The following NCKAP5 variants were observed in gnomAD, a reference collection of about 807,000 sequenced individuals.
NCKAP5 encodes nck-associated protein 5.
A neutral mutation model predicts 167.0 loss-of-function variants in NCKAP5; 92 were observed. That is an observed-to-expected ratio of 0.55 (90% confidence interval 0.47 to 0.66). NCKAP5 has a LOEUF of 0.66. Ranked by LOEUF, NCKAP5 falls within the 30% of genes least tolerant of loss-of-function variation. The probability of loss-of-function intolerance (pLI) is 0.00; values close to 1 mark genes in which losing one functional copy is unlikely to be tolerated. For missense variants in NCKAP5, 2,378 were observed against 2,315.0 expected (o/e 1.03, Z -0.56); for synonymous variants, 891 against 877.4 (o/e 1.02, Z -0.27).
chr2:133,323,769 C>G (rs1185595957), intron 3 of NCKAP5, among the ~76,000 whole-genome samples: 1 of 152,162 alleles, frequency 6.6e-6, no homozygotes, highest in Non-Finnish European at 1.5e-5. Context: ...TGAACTTAAT[C>G]ACTGTCCCAG....
chr2:132,695,837 G>T (rs1023049368), intron 19 of NCKAP5, among the ~76,000 whole-genome samples: 3 of 152,102 alleles, frequency 2.0e-5, no homozygotes, highest in Admixed American at 6.6e-5. Flanking sequence ...CTTCTCTGAT[G>T]ATCTATTGTT....
intron 4 of NCKAP5, among the ~76,000 whole-genome samples, chr2:133,219,637 C>T (rs1371468709): frequency 6.6e-6 from 1 of 151,802 alleles, no homozygotes; most frequent in African/African-American, 2.4e-5. Flanking sequence ...ATAAGGGATT[C>T]CTCAGTAACT....
chr2:133,467,676 C>T (rs1203722964), intron 3 of NCKAP5, among the ~76,000 whole-genome samples: 1 of 149,976 alleles, frequency 6.7e-6, no homozygotes, highest in Admixed American at 6.7e-5. Flanking sequence ...TGATTATTGC[C>T]ACAATTTCAG....
intron 3 of NCKAP5, among the ~76,000 whole-genome samples, chr2:133,478,465 T>C (rs1251240384): frequency 1.3e-5 from 2 of 152,166 alleles, no homozygotes; most frequent in Non-Finnish European, 2.9e-5. Flanking sequence ...CCTAGAAATC[T>C]CTGGAAGACT....
At chr2:133,598,227 C>T in the NCKAP5 span, among the ~76,000 whole-genome samples, 4 of 152,190 alleles carry the variant, frequency 2.6e-5, no homozygotes, top group African/African-American at 9.7e-5. Context: ...GTGAGCAATG[C>T]CTGGCACACT....
intron 3 of NCKAP5, among the ~76,000 whole-genome samples, chr2:133,445,417 C>G (rs191666133): frequency 6.6e-6 from 1 of 152,286 alleles, no homozygotes; most frequent in African/African-American, 2.4e-5. Flanking sequence ...TCATAAAAAT[C>G]TTGTGACACA....
Position 132,794,138 on chromosome 2 carries a change from T to C in NCKAP5, c.909+2490A>G, listed in dbSNP as rs577698295. On this transcript the variant is annotated intron_variant, in intron 12 of 19. Coordinates refer to ENST00000409261, the MANE Select transcript of NCKAP5 (RefSeq NM_207363.3). ...TGAAAGTAGTTACTATGTGGGATCA[T>C]TGTGAAGACTGAACAGCCCCTGACA... 9.2e-4 allele frequency among the ~76,000 whole-genome samples: 137 copies of C among 149,206 alleles called. 1 individual carries two copies. Among genetic ancestry groups the C allele is most frequent in the African/African-American group, 3.2e-3 (129 of 40,710 alleles).
chr2:133,642,543 A>G, the NCKAP5 span, among the ~76,000 whole-genome samples: 1 of 152,162 alleles, frequency 6.6e-6, no homozygotes, highest in Non-Finnish European at 1.5e-5. Flanking sequence ...TGGTTGATAC[A>G]CCCTAAAAAA....
intron 5 of NCKAP5, among the ~76,000 whole-genome samples, chr2:133,162,678 T>A (rs2083842061): frequency 6.6e-6 from 1 of 152,130 alleles, no homozygotes; most frequent in African/African-American, 2.4e-5. Flanking sequence ...GATGCAACAT[T>A]GTTTTTTTTT....
intron 5 of NCKAP5, among the ~76,000 whole-genome samples, chr2:133,146,875 A>AT: frequency 6.6e-6 from 1 of 152,266 alleles, no homozygotes; most frequent in Non-Finnish European, 1.5e-5. Context: ...CTTCATGTTT[A>AT]TTAGCAAAAA....
intron 4 of NCKAP5, among the ~76,000 whole-genome samples, chr2:133,281,715 C>T (rs777591562): frequency 3.9e-5 from 6 of 152,142 alleles, no homozygotes; most frequent in Admixed American, 6.5e-5. Context: ...GAAGGATAGG[C>T]TGGGTTGTAC....
chr2:133,068,771 C>T (rs1252884834), intron 6 of NCKAP5, among the ~76,000 whole-genome samples: 1 of 152,132 alleles, frequency 6.6e-6, no homozygotes, highest in East Asian at 1.9e-4. Context: ...TGTCTATTAC[C>T]CCAAGATGTT....
chr2:133,117,244 G>A (rs1387276462), intron 6 of NCKAP5: 2 of 152,144 alleles, frequency 1.3e-5, no homozygotes, highest in African/African-American at 2.4e-5. Context: ...CTGGCACTTG[G>A]TAATTCTCCT....
At chr2:132,824,900 A>G (rs79328568) in intron 11 of NCKAP5, among the ~76,000 whole-genome samples, 1,564 of 152,324 alleles carry the variant, frequency 0.01, 16 homozygotes, top group African/African-American at 0.034. Context: ...TGAGAAAGAA[A>G]TAGACTTTTG....
At chr2:132,898,742 A>G (rs62178887) in intron 8 of NCKAP5, among the ~76,000 whole-genome samples, 20 of 152,314 alleles carry the variant, frequency 1.3e-4, no homozygotes, top group Admixed American at 3.9e-4. Context: ...TTGGAAAGGG[A>G]TATTTTCTTC....
At chr2:133,154,250 C>A (rs1050047835) in intron 5 of NCKAP5, among the ~76,000 whole-genome samples, 1 of 152,170 alleles carries the variant, frequency 6.6e-6, no homozygotes, top group African/African-American at 2.4e-5. Flanking sequence ...ATGAAATGGG[C>A]ATCGCTTTCT....
chr2:133,643,327 A>C, the NCKAP5 span, among the ~76,000 whole-genome samples: 1 of 152,136 alleles, frequency 6.6e-6, no homozygotes, highest in Non-Finnish European at 1.5e-5. Flanking sequence ...GAAAACTTTT[A>C]AGCTACATTT....
At chr2:133,619,957 C>T in the NCKAP5 span, among the ~76,000 whole-genome samples, 1 of 152,080 alleles carries the variant, frequency 6.6e-6, no homozygotes, top group African/African-American at 2.4e-5. Context: ...TTTTAGCCTC[C>T]TTAAACACAA....
chr2:132,704,182 C>G (rs1688137305), intron 19 of NCKAP5, among the ~76,000 whole-genome samples: 1 of 152,110 alleles, frequency 6.6e-6, no homozygotes, highest in Admixed American at 6.6e-5. Flanking sequence ...TCTTTGGAAC[C>G]CTTTCAAGTG....
Sources: gnomAD v4.1 joint callset for allele counts (sites outside exome capture counted in the v4.1 genomes callset) on GRCh38, gnomAD v4.1.1 for gene constraint, MANE v1.5 for transcripts, NCBI Gene and HGNC (gene_info 2026-07-23, HGNC 2026-07-21) for gene names.